The following R3HDM2 variants were observed in gnomAD, a reference collection of about 807,000 sequenced individuals.
R3HDM2 encodes R3H domain-containing protein 2.
R3HDM2 carries 38 observed loss-of-function variants against 124.5 expected under a neutral mutation model. The ratio of observed to expected loss-of-function variants is 0.31; its 90% CI spans 0.24 to 0.40. The LOEUF (loss-of-function observed/expected upper bound fraction) is 0.40, where lower values mean the gene tolerates loss of function less well. R3HDM2 is among the 10% of genes least tolerant of loss of function. R3HDM2 has a pLI of 1.00. For synonymous variants in R3HDM2, 391 were observed against 448.0 expected (o/e 0.87, Z 1.61); for missense variants, 869 against 1,236.9 (o/e 0.70, Z 4.46).
intron 1 of R3HDM2, chr12:57,415,511 G>T (rs2069488856): frequency 6.6e-6 from 1 of 151,200 alleles, no homozygotes; most frequent in South Asian, 2.1e-4. Context: ...AATCTTAAAA[G>T]TATCATCCCA....
At chr12:57,279,221 C>T (rs1302827538) in intron 14 of R3HDM2, among the ~76,000 whole-genome samples, 3 of 140,072 alleles carry the variant, frequency 2.1e-5, no homozygotes, top group South Asian at 4.7e-4. Context: ...CTTACTCTGT[C>T]GCCCAGGCTA....
rs549611467 is a variant in R3HDM2, at chr12:57,353,255, A to G, written c.-36+42494T>C. ...ATAGGACAAATAACTGGTACTTAGTATATACAAAGAATTACAAACCAAAAA... is the reference window on the plus strand; with the variant it reads ...ATAGGACAAATAACTGGTACTTAGTGTATACAAAGAATTACAAACCAAAAA... On this transcript the variant is annotated intron_variant, in intron 2 of 23. Transcript: ENST00000402412. Among the ~76,000 whole-genome samples the G allele has an allele frequency of 2.6e-5, 4 of 152,292 alleles. No homozygotes were observed. In the South Asian group the frequency reaches 8.3e-4, roughly 32 times the overall value.
At chr12:57,308,611 G>A (rs560652512) in intron 3 of R3HDM2, among the ~76,000 whole-genome samples, 147 of 152,048 alleles carry the variant, frequency 9.7e-4, no homozygotes, top group African/African-American at 3.0e-3. Context: ...GCTTGAACCC[G>A]GGAGGCGGAG....
Position 57,317,668 on chromosome 12 carries a change from T to TAA in R3HDM2, c.-35-7207_-35-7206dup, listed in dbSNP as rs562475743. 5.1e-3 allele frequency among the ~76,000 whole-genome samples: 548 copies of TAA among 108,080 alleles called. 15 individuals are homozygous for TAA. The highest frequency in any genetic ancestry group is 0.018 in the Middle Eastern group (2 of 110). The allele number at this position is 108,080 out of a possible 152,430, so 70.9% of individuals were successfully genotyped here. A position where few individuals can be genotyped will look rare whatever the true frequency, so the allele number is the denominator to read the frequency against. ...AAAAAGGGTATATTAAGAAGATAGT[T>TAA]AAAAAAAAAAAAAAAAAAAAGGGTA... is the stretch of plus-strand genomic sequence containing the variant. On this transcript the variant is annotated intron_variant, in intron 2 of 23. Coordinates refer to ENST00000402412, the MANE Select transcript of R3HDM2 (RefSeq NM_001394031.1).
chr12:57,279,880 G>A (rs929749530), intron 14 of R3HDM2, among the ~76,000 whole-genome samples: 11 of 152,048 alleles, frequency 7.2e-5, no homozygotes, highest in African/African-American at 1.2e-4. Context: ...TTTGTGTTTC[G>A]TGGCATATGT....
intron 19 of R3HDM2, among the ~76,000 whole-genome samples, chr12:57,260,196 C>T (rs768127806): frequency 3.0e-5 from 4 of 131,598 alleles, no homozygotes; most frequent in South Asian, 5.1e-4. Flanking sequence ...CCTGGGAGGT[C>T]GAGGCTGCAG....
intron 14 of R3HDM2, among the ~76,000 whole-genome samples, chr12:57,273,808 C>A (rs1428274788): frequency 6.6e-6 from 1 of 152,190 alleles, no homozygotes; most frequent in Non-Finnish European, 1.5e-5. Context: ...ATATCCTCTC[C>A]TGCCACACAT....
At position 57,312,951 on chromosome 12, in the gene R3HDM2, A is replaced by T. The variant is rs1384410770; in HGVS notation, c.-35-2488T>A. Among the ~76,000 whole-genome samples, 3 of 149,502 alleles carry T rather than the reference A, an allele frequency of 2.0e-5. No homozygotes were observed. The East Asian group carries it at 6.0e-4, about 30-fold the overall frequency. On this transcript the variant is annotated intron_variant, in intron 2 of 23. Transcript: ENST00000402412. ...CTCAAAAAAAAAAAAAAAAAAAAAA[A>T]GTCATATAGTTGAATTTAAAGATGA...
chr12:57,288,835 G>C, intron 12 of R3HDM2, 174 bp downstream of exon 12: 1 of 1,527,542 alleles, frequency 6.5e-7, no homozygotes, highest in South Asian at 1.2e-5. Context: ...AAAAAGGAGA[G>C]ATATAGATCA....
intron 2 of R3HDM2, chr12:57,341,382 G>C (rs1360192026): frequency 1.0e-6 from 1 of 979,906 alleles, no homozygotes; most frequent in Non-Finnish European, 1.2e-6. Context: ...AAGGAAGAAC[G>C]CACCGCTTCA....
intron 2 of R3HDM2, among the ~76,000 whole-genome samples, chr12:57,384,656 G>C (rs1026523214): frequency 7.9e-5 from 12 of 152,150 alleles, no homozygotes; most frequent in Admixed American, 3.3e-4. Context: ...GGCTTGAGAA[G>C]AATCTAGAGA....
intron 2 of R3HDM2, among the ~76,000 whole-genome samples, chr12:57,320,685 T>C (rs1000704925): frequency 3.9e-5 from 6 of 152,164 alleles, no homozygotes; most frequent in Admixed American, 3.3e-4. Flanking sequence ...ACCTATTTTT[T>C]TCAGGGAGAA....
chr12:57,405,193 G>A (rs900669337), intron 1 of R3HDM2, among the ~76,000 whole-genome samples: 1 of 152,014 alleles, frequency 6.6e-6, no homozygotes, highest in Non-Finnish European at 1.5e-5. Flanking sequence ...GCACACTCAA[G>A]TAATTTAAAA....
intron 2 of R3HDM2, among the ~76,000 whole-genome samples, chr12:57,374,546 G>A (rs1196741845): frequency 4.0e-5 from 6 of 151,414 alleles, no homozygotes; most frequent in African/African-American, 1.5e-4. Context: ...AGCCAGGCAT[G>A]GTGGCAGGTA....
intron 13 of R3HDM2, among the ~76,000 whole-genome samples, chr12:57,281,577 C>T (rs1316672297): frequency 6.6e-6 from 1 of 151,928 alleles, no homozygotes; most frequent in Non-Finnish European, 1.5e-5. Flanking sequence ...CCTCCACCTC[C>T]CAGGTTCAAG....
chr12:57,387,719 G>A (rs1329032169), intron 2 of R3HDM2, among the ~76,000 whole-genome samples: 1 of 152,164 alleles, frequency 6.6e-6, no homozygotes, highest in Non-Finnish European at 1.5e-5. Context: ...TACTGAAGAA[G>A]AAACCAGTTT....
chr12:57,392,738 A>T (rs2066884897), intron 2 of R3HDM2, among the ~76,000 whole-genome samples: 1 of 151,670 alleles, frequency 6.6e-6, no homozygotes. Flanking sequence ...AACTAAAGCC[A>T]AGTGTGGTGG....
intron 3 of R3HDM2, 123 bp from the exon 4 acceptor site, chr12:57,303,340 T>G (rs1184158775): frequency 1.2e-6 from 1 of 823,300 alleles, no homozygotes; most frequent in Non-Finnish European, 2.0e-6. Flanking sequence ...CAAACTATGA[T>G]GAGGACCACT....
chr12:57,275,501 GAAAAAAA>G (rs56371479), intron 14 of R3HDM2, among the ~76,000 whole-genome samples: 2 of 127,526 alleles, frequency 1.6e-5, no homozygotes, highest in Non-Finnish European at 3.3e-5. Flanking sequence ...CGTTTGCATG[GAAAAAAA>G]AAAAAAAAAA....
Sources: allele counts gnomAD v4.1 joint callset (sites outside exome capture counted in the v4.1 genomes callset), GRCh38; gene constraint gnomAD v4.1.1; transcripts MANE v1.5; gene names NCBI Gene and HGNC (gene_info 2026-07-23, HGNC 2026-07-21).